The following PTPRR variants were observed in gnomAD, a reference collection of about 807,000 sequenced individuals.
PTPRR encodes protein tyrosine phosphatase receptor type R.
PTPRR carries 38 observed loss-of-function variants against 77.2 expected under a neutral mutation model. The observed-to-expected ratio is 0.49, with a 90% CI of 0.38 to 0.65. The LOEUF (loss-of-function observed/expected upper bound fraction) is 0.65, where lower values mean the gene tolerates loss of function less well. Ranked by LOEUF, PTPRR falls within the 30% of genes least tolerant of loss-of-function variation. The probability of loss-of-function intolerance (pLI) is 0.00; values close to 1 mark genes in which losing one functional copy is unlikely to be tolerated. For synonymous variants in PTPRR, 299 were observed against 283.1 expected, an observed-to-expected ratio of 1.06 and a Z score of -0.57; for missense variants, 744 against 799.2, an observed-to-expected ratio of 0.93 and a Z score of 0.83.
At chr12:70,878,545 A>T (rs1565728059) in intron 2 of PTPRR, among the ~76,000 whole-genome samples, 1 of 152,188 alleles carries the variant, frequency 6.6e-6, no homozygotes, top group Non-Finnish European at 1.5e-5. Flanking sequence ...TCAAAACCAC[A>T]ATGAGATACC....
At position 70,734,129 on chromosome 12, in the gene PTPRR, C is replaced by T. The variant is rs77923281; in HGVS notation, c.1007+11689G>A. Among the ~76,000 whole-genome samples, 7 of 152,278 alleles carry T rather than the reference C, an allele frequency of 4.6e-5. No homozygotes were observed. In the East Asian group the frequency reaches 1.4e-3, roughly 29 times the overall value. On this transcript the variant is annotated intron_variant, in intron 6 of 13. Transcript: ENST00000283228. ...TTATCTGTGCCTGCCCTGATTAAAA[C>T]GCTTCTTCAGAACAGGCCATTTCAC...
chr12:70,684,389 T>C, intron 9 of PTPRR, 125 bp from the exon 10 acceptor site: 3 of 999,962 alleles, frequency 3.0e-6, no homozygotes, highest in Non-Finnish European at 4.4e-6. Flanking sequence ...ACGGCTTCAC[T>C]GACTCTAGTA....
At chr12:70,661,118 C>A (rs1459256634) in intron 11 of PTPRR, 21 bp from the exon 12 acceptor site, 1 of 1,593,450 alleles carries the variant, frequency 6.3e-7, no homozygotes, top group East Asian at 2.3e-5. Context: ...CAACAGCCAC[C>A]AAATGCCTCA....
chr12:70,866,776 A>G (rs1892858785), intron 2 of PTPRR, among the ~76,000 whole-genome samples: 1 of 152,212 alleles, frequency 6.6e-6, no homozygotes, highest in Admixed American at 6.5e-5. Context: ...TGATGCAAAA[A>G]TCCTCAATAA....
At chr12:70,651,051 G>T (rs1330726271) in intron 13 of PTPRR, among the ~76,000 whole-genome samples, 2 of 152,236 alleles carry the variant, frequency 1.3e-5, no homozygotes, top group Middle Eastern at 3.4e-3. Context: ...TATGTAGCTG[G>T]TCCTGCCCAC....
At chr12:70,650,969 A>C (rs1886372716) in intron 13 of PTPRR, among the ~76,000 whole-genome samples, 2 of 152,182 alleles carry the variant, frequency 1.3e-5, no homozygotes, top group African/African-American at 4.8e-5. Context: ...CTTTGCTGTC[A>C]CTGTCTTGAA....
At chr12:70,685,339 T>C (rs1271535372) in intron 8 of PTPRR, among the ~76,000 whole-genome samples, 2 of 151,826 alleles carry the variant, frequency 1.3e-5, no homozygotes, top group African/African-American at 4.8e-5. Flanking sequence ...GTTGCAAAGA[T>C]AAAGATAAAC....
Position 70,653,451 on chromosome 12 carries a change from G to A in PTPRR, c.1880+3253C>T, listed in dbSNP as rs141879910. ...TTTTGGAAGCAGTTACATGTGGGGT[G>A]TGGTAAGAGGGAAGCAGGATTGGGG... On this transcript the variant is annotated intron_variant, in intron 13 of 13. Coordinates refer to ENST00000283228, the MANE Select transcript of PTPRR (RefSeq NM_002849.4). 3.9e-3 allele frequency among the ~76,000 whole-genome samples: 588 copies of A among 152,278 alleles called. 4 individuals carry two copies. Among genetic ancestry groups the A allele is most frequent in the African/African-American group, 0.013 (538 of 41,558 alleles).
intron 2 of PTPRR, among the ~76,000 whole-genome samples, chr12:70,798,068 A>T (rs12099823): frequency 0.016 from 2,374 of 152,284 alleles, 81 homozygotes; most frequent in African/African-American, 0.054. Context: ...GGAATCTCAA[A>T]TTCAAGGTGC....
At chr12:70,758,433 A>G (rs11178395) in intron 4 of PTPRR, among the ~76,000 whole-genome samples, 10,519 of 151,980 alleles carry the variant, frequency 0.069, 423 homozygotes, top group Middle Eastern at 0.099. Flanking sequence ...AAGTTGCTCT[A>G]TTCTTAAAGC....
chr12:70,856,807 A>G (rs560221261), intron 2 of PTPRR, among the ~76,000 whole-genome samples: 1 of 150,240 alleles, frequency 6.7e-6, no homozygotes, highest in South Asian at 2.1e-4. Flanking sequence ...GCAGGAAGAG[A>G]GAGAGAGAGA....
At chr12:70,706,048 A>T (rs1265617121) in intron 6 of PTPRR, among the ~76,000 whole-genome samples, 1 of 151,964 alleles carries the variant, frequency 6.6e-6, no homozygotes, top group African/African-American at 2.4e-5. Flanking sequence ...AAAAAAAACA[A>T]GTTTTTGCTC....
intron 2 of PTPRR, among the ~76,000 whole-genome samples, chr12:70,810,500 T>C (rs916698991): frequency 3.9e-5 from 6 of 152,220 alleles, no homozygotes; most frequent in Non-Finnish European, 7.3e-5. Context: ...TTGAGAGTCA[T>C]CACTTAACTT....
intron 10 of PTPRR, among the ~76,000 whole-genome samples, chr12:70,680,583 G>A (rs776530044): frequency 2.0e-5 from 3 of 152,178 alleles, no homozygotes; most frequent in Non-Finnish European, 4.4e-5. Flanking sequence ...CAGCACACTT[G>A]GCTGGTGAGC....
intron 2 of PTPRR, among the ~76,000 whole-genome samples, chr12:70,841,425 A>G (rs148379868): frequency 6.6e-6 from 1 of 152,082 alleles, no homozygotes; most frequent in Admixed American, 6.6e-5. Context: ...TGCACTTCTC[A>G]GCTTGTTCTC....
intron 2 of PTPRR, among the ~76,000 whole-genome samples, chr12:70,839,175 C>T (rs1222560413): frequency 6.6e-6 from 1 of 152,134 alleles, no homozygotes; most frequent in African/African-American, 2.4e-5. Flanking sequence ...AGAAAGACAA[C>T]ATGGGTCTCT....
intron 2 of PTPRR, among the ~76,000 whole-genome samples, chr12:70,887,082 G>A (rs565180889): frequency 9.8e-5 from 15 of 152,288 alleles, no homozygotes; most frequent in African/African-American, 3.6e-4. Context: ...TGTTCCCAAT[G>A]TTTATTTTCT....
chr12:70,839,273 A>G (rs1892354460), intron 2 of PTPRR, among the ~76,000 whole-genome samples: 1 of 151,994 alleles, frequency 6.6e-6, no homozygotes, highest in Non-Finnish European at 1.5e-5. Flanking sequence ...AAGCCACTGA[A>G]CTAATATCCC....
chr12:70,897,635 C>T (rs551563834), intron 1 of PTPRR, among the ~76,000 whole-genome samples: 2 of 152,128 alleles, frequency 1.3e-5, no homozygotes, highest in Admixed American at 6.6e-5. Context: ...TACCATTTGA[C>T]CCAGCCGTCC....
Sources: gnomAD v4.1 joint callset for allele counts (sites outside exome capture counted in the v4.1 genomes callset) on GRCh38, gnomAD v4.1.1 for gene constraint, MANE v1.5 for transcripts, NCBI Gene and HGNC (gene_info 2026-07-23, HGNC 2026-07-21) for gene names.